The following COL11A1 variants were observed in gnomAD, a reference collection of about 807,000 sequenced individuals.
The protein encoded by COL11A1 is collagen alpha-1(XI) chain.
COL11A1 carries 74 observed loss-of-function variants against 265.2 expected under a neutral mutation model. That is an observed-to-expected ratio of 0.28 (90% CI 0.23 to 0.34). The LOEUF (loss-of-function observed/expected upper bound fraction) is 0.34, where lower values mean the gene tolerates loss of function less well. Among genes scored for constraint, COL11A1 ranks in the 10% least tolerant of loss-of-function variants. The pLI is 1.00. For synonymous variants in COL11A1, 816 were observed against 727.6 expected (o/e 1.12, Z -1.96); for missense variants, 2,165 against 2,263.6 (o/e 0.96, Z 0.88).
Position 103,022,765 on chromosome 1 carries a change from C to T in COL11A1, c.1222G>A (p.Glu408Lys). The change falls in exon 8 of 67, where the codon GAA becomes AAA. Residue 408 changes from glutamate to lysine, a missense_variant. Coordinates refer to ENST00000370096, the MANE Select transcript of COL11A1 (RefSeq NM_001854.4). The part of the protein sequence containing the change: ...NEEFGPGVPA[E>K]TDITETSING... ...ACGCTTGTTTCTGTAATATCAGTTTCTGCTGGTACACCTGGACCAAATTCT... is the reference window on the plus strand; with the variant it reads ...ACGCTTGTTTCTGTAATATCAGTTTTTGCTGGTACACCTGGACCAAATTCT... 1 of 1,613,674 alleles carries T rather than the reference C, an allele frequency of 6.2e-7. No homozygotes were observed. Among genetic ancestry groups the T allele is most frequent in the East Asian group, 2.2e-5 (1 of 44,840 alleles).
chr1:102,915,365 T>A (rs1444362593), intron 50 of COL11A1, among the ~76,000 whole-genome samples: 5 of 152,186 alleles, frequency 3.3e-5, no homozygotes, highest in Non-Finnish European at 7.3e-5. Context: ...GGACAGTTCA[T>A]CAAAGGGAAT....
intron 4 of COL11A1, among the ~76,000 whole-genome samples, chr1:103,069,347 A>T (rs1384505742): frequency 2.6e-5 from 4 of 151,850 alleles, no homozygotes; most frequent in Non-Finnish European, 5.9e-5. Context: ...AATGAACTGG[A>T]TATGATTATG....
At position 102,946,926 on chromosome 1, in the gene COL11A1, T is replaced by C. The variant is rs1659351631; in HGVS notation, c.3199A>G (p.Thr1067Ala). Residue 1067 changes from threonine (T) to alanine (A), a missense_variant, in exon 42 of 67, where the codon ACA becomes GCA. Transcript: ENST00000370096. ...GSPGERGSAG[T>A]AGPIGLPGRP... ...CCTGGTAAACCAATTGGGCCAGCTG[T>C]ACCTGCTGACCCACGTTCTCCTGGT... The C allele has an allele frequency of 6.2e-7, 1 of 1,613,136 alleles. No homozygotes were observed. Among genetic ancestry groups the C allele is most frequent in the African/African-American group, 1.3e-5 (1 of 75,036 alleles).
chr1:102,932,787 A>G (rs371392410), intron 46 of COL11A1, among the ~76,000 whole-genome samples: 2 of 151,190 alleles, frequency 1.3e-5, no homozygotes, highest in African/African-American at 4.9e-5. Context: ...GGCTTTGCTC[A>G]TTTCTTTTTA....
Position 102,910,650 on chromosome 1 carries a change from C to T in COL11A1, c.4086+1509G>A, listed in dbSNP as rs572898663. 3.3e-5 allele frequency among the ~76,000 whole-genome samples: 5 copies of T among 152,140 alleles called. No homozygotes were observed. In the East Asian group the frequency reaches 9.7e-4, roughly 29 times the overall value. On this transcript the variant is annotated intron_variant, in intron 54 of 66. Coordinates refer to ENST00000370096, the MANE Select transcript of COL11A1 (RefSeq NM_001854.4). ...TAACTATGCCATAACTCAGTGCTAA[C>T]ACAGCAACAGTTATGAGGTGATTTT... is the stretch of plus-strand genomic sequence containing the variant.
At chr1:103,089,959 AC>A (rs2102361818) in intron 1 of COL11A1, among the ~76,000 whole-genome samples, 1 of 152,194 alleles carries the variant, frequency 6.6e-6, no homozygotes, top group South Asian at 2.1e-4. Context: ...CCCTGTCTCT[AC>A]TAAAAATACA....
chr1:103,010,359 AAAC>A (rs1666004185), intron 14 of COL11A1, among the ~76,000 whole-genome samples: 1 of 152,188 alleles, frequency 6.6e-6, no homozygotes, highest in Non-Finnish European at 1.5e-5. Context: ...TGGTAAAAAG[AAAC>A]AATATGATTT....
intron 42 of COL11A1, among the ~76,000 whole-genome samples, chr1:102,941,287 G>A (rs143190131): frequency 1.8e-3 from 269 of 151,846 alleles, no homozygotes; most frequent in African/African-American, 5.7e-3. Context: ...CTATAATACT[G>A]GTATCCTTGT....
At chr1:102,950,693 C>A (rs764473466) in intron 41 of COL11A1, among the ~76,000 whole-genome samples, 1 of 152,158 alleles carries the variant, frequency 6.6e-6, no homozygotes, top group African/African-American at 2.4e-5. Context: ...AGTCTTTGGT[C>A]TTTTCCTATA....
intron 49 of COL11A1, among the ~76,000 whole-genome samples, chr1:102,916,458 A>C (rs564764030): frequency 6.6e-6 from 1 of 152,170 alleles, no homozygotes; most frequent in East Asian, 1.9e-4. Context: ...TTTCCACTCA[A>C]AATCAGTCAC....
intron 38 of COL11A1, among the ~76,000 whole-genome samples, chr1:102,963,124 T>C (rs528395110): frequency 6.6e-6 from 1 of 152,262 alleles, no homozygotes; most frequent in African/African-American, 2.4e-5. Flanking sequence ...AGGTGTCAAA[T>C]CAGCTTAGTA....
At chr1:103,081,031 T>A (rs547742397) in intron 2 of COL11A1, among the ~76,000 whole-genome samples, 48 of 151,988 alleles carry the variant, frequency 3.2e-4, no homozygotes, top group African/African-American at 1.1e-3. Context: ...AAATCCTACT[T>A]GCCCTTCCCA....
intron 4 of COL11A1, among the ~76,000 whole-genome samples, chr1:103,071,375 C>A (rs1016791125): frequency 6.8e-6 from 1 of 147,462 alleles, no homozygotes; most frequent in Non-Finnish European, 1.5e-5. Flanking sequence ...TAAATACAAG[C>A]AATACAACTT....
Position 102,887,046 on chromosome 1 carries a change from C to T in COL11A1, c.4619G>A (p.Gly1540Asp), listed in dbSNP as rs1432536379. 6.2e-7 allele frequency: 1 copy of T among 1,613,720 alleles called. No homozygotes were observed. The highest frequency in any genetic ancestry group is 8.5e-7 in the Non-Finnish European group (1 of 1,179,792). Residue 1540 changes from glycine (G) to aspartate (D), a missense_variant, in exon 63 of 67, where the codon GGT becomes GAT. Physicochemically the swap from Gly to Asp is moderately conservative, Grantham distance 94. Transcript: ENST00000370096. ...GATTGGTAAAGGCTGAATGACTTCA[C>T]CAGGTGGACCCTGTAAAGAAGATAA... ...PGPPGSPGPPGEVIQPLPILS... is the reference protein window; with the variant it reads ...PGPPGSPGPPDEVIQPLPILS...
intron 4 of COL11A1, among the ~76,000 whole-genome samples, chr1:103,049,920 T>A (rs1224257797): frequency 6.6e-6 from 1 of 152,234 alleles, no homozygotes; most frequent in Non-Finnish European, 1.5e-5. Flanking sequence ...GAATGTTGAA[T>A]ATTGGCCCCC....
chr1:103,013,902 T>G (rs2101896611), intron 13 of COL11A1, among the ~76,000 whole-genome samples: 1 of 152,122 alleles, frequency 6.6e-6, no homozygotes, highest in African/African-American at 2.4e-5. Flanking sequence ...TCAATGAAAC[T>G]AATTAAAAAA....
At chr1:102,999,249 T>C (rs1022963003) in intron 24 of COL11A1, among the ~76,000 whole-genome samples, 6 of 152,062 alleles carry the variant, frequency 3.9e-5, no homozygotes, top group African/African-American at 1.4e-4. Flanking sequence ...TGCCTGCCAT[T>C]GCAGTTTTAC....
chr1:103,046,549 G>A (rs1333993683), intron 4 of COL11A1, among the ~76,000 whole-genome samples: 5 of 151,142 alleles, frequency 3.3e-5, no homozygotes, highest in Non-Finnish European at 5.9e-5. Flanking sequence ...CTCCCATTCT[G>A]TAGGTTGCCT....
chr1:102,912,862 A>G (rs1443932184), intron 53 of COL11A1, among the ~76,000 whole-genome samples: 1 of 152,184 alleles, frequency 6.6e-6, no homozygotes, highest in African/African-American at 2.4e-5. Context: ...CTGCCATGTG[A>G]AGAAAGACAT....
Sources: allele counts gnomAD v4.1 joint callset (sites outside exome capture counted in the v4.1 genomes callset), GRCh38; gene constraint gnomAD v4.1.1; transcripts MANE v1.5; gene names NCBI Gene and HGNC (gene_info 2026-07-23, HGNC 2026-07-21).